The following SLC35F4 variants were observed in gnomAD, a reference collection of about 807,000 sequenced individuals.
SLC35F4 encodes chromosome 14 open reading frame 36.
SLC35F4 carries 24 observed loss-of-function variants against 44.2 expected under a neutral mutation model. The observed-to-expected ratio is 0.54, with a 90% CI of 0.39 to 0.76. The LOEUF (loss-of-function observed/expected upper bound fraction) is 0.76. SLC35F4 is among the 30% of genes least tolerant of loss of function. The pLI, the probability that SLC35F4 is intolerant of heterozygous loss-of-function variation, is 0.00. For missense variants in SLC35F4, 562 were observed against 586.1 expected (o/e 0.96, Z 0.42); for synonymous variants, 238 against 223.6 (o/e 1.06, Z -0.57).
intron 1 of SLC35F4, among the ~76,000 whole-genome samples, chr14:57,631,483 C>T (rs1254760479): frequency 1.2e-4 from 18 of 152,098 alleles, no homozygotes; most frequent in Admixed American, 3.3e-4. Context: ...TTTGTGTGTG[C>T]GTGCATAGTG....
chr14:57,747,361 A>G (rs927006206), intron 1 of SLC35F4, among the ~76,000 whole-genome samples: 3 of 152,202 alleles, frequency 2.0e-5, no homozygotes, highest in Non-Finnish European at 2.9e-5. Flanking sequence ...CCTTTGCAAT[A>G]AACATAACCA....
intron 1 of SLC35F4, among the ~76,000 whole-genome samples, chr14:57,779,536 CT>C (rs1253305878): frequency 6.6e-6 from 1 of 152,116 alleles, no homozygotes; most frequent in Non-Finnish European, 1.5e-5. Context: ...CCTACTGAAA[CT>C]GTTCCAAAAA....
At chr14:57,784,210 G>A (rs551809444) in intron 1 of SLC35F4, among the ~76,000 whole-genome samples, 1 of 152,278 alleles carries the variant, frequency 6.6e-6, no homozygotes, top group East Asian at 1.9e-4. Context: ...CCAAACCAGT[G>A]CTAGAGAATG....
At chr14:57,718,561 T>G (rs2076001692) in intron 1 of SLC35F4, among the ~76,000 whole-genome samples, 1 of 152,172 alleles carries the variant, frequency 6.6e-6, no homozygotes, top group Admixed American at 6.5e-5. Context: ...GATGATGTCT[T>G]GTACTTTTGA....
In SLC35F4 at chr14:57,696,710, T is replaced by C. The variant is rs547787534; in HGVS notation, c.104-102586A>G. Among the ~76,000 whole-genome samples, 7 of 152,344 alleles carry C rather than the reference T, an allele frequency of 4.6e-5. No homozygotes were observed. In the South Asian group the frequency reaches 1.0e-3, roughly 23 times the overall value. ...GACTGGATAAAGAAAATGTGGCATA[T>C]ATACACCATGGAATATTATGCAGCT... On this transcript the variant is annotated intron_variant, in intron 1 of 7. Transcript: ENST00000556826.
At chr14:57,869,048 A>G (rs1378011059), upstream of SLC35F4, among the ~76,000 whole-genome samples, 1 of 152,200 alleles carries the variant, frequency 6.6e-6, no homozygotes. Context: ...TGCGCTCTTC[A>G]GGAATTTTTT....
intron 1 of SLC35F4, among the ~76,000 whole-genome samples, chr14:57,617,127 A>ATTATTT (rs1566688809): frequency 1.6e-5 from 1 of 64,094 alleles, no homozygotes; most frequent in Non-Finnish European, 3.7e-5. Context: ...AACTGTACTT[A>ATTATTT]TTCTTTTTTT....
chr14:57,708,183 C>T (rs1356756524), intron 1 of SLC35F4, among the ~76,000 whole-genome samples: 6 of 152,144 alleles, frequency 3.9e-5, no homozygotes, highest in Non-Finnish European at 5.9e-5. Flanking sequence ...CAGCTGATGC[C>T]ACCCACACCA....
At position 57,566,162 on chromosome 14, in the gene SLC35F4, C is replaced by T. The variant is rs977742155; in HGVS notation, c.1216+313G>A. 3.9e-5 allele frequency among the ~76,000 whole-genome samples: 6 copies of T among 152,220 alleles called. No individual in the cohort carries two copies. In the South Asian group the frequency reaches 1.0e-3, roughly 26 times the overall value. On this transcript the variant is annotated intron_variant, in intron 7 of 7. Transcript: ENST00000556826. ...ACTTGAAAGTCCTATGCTGGGATGC[C>T]TTTTGTTTCCATAGGACTTCCTCTA...
At chr14:57,665,631 A>G (rs1226229866) in intron 1 of SLC35F4, among the ~76,000 whole-genome samples, 1 of 152,230 alleles carries the variant, frequency 6.6e-6, no homozygotes, top group Non-Finnish European at 1.5e-5. Flanking sequence ...ATTACTGGGT[A>G]TATACCCAAA....
At chr14:57,776,791 C>T (rs1383273737) in intron 1 of SLC35F4, among the ~76,000 whole-genome samples, 1 of 151,866 alleles carries the variant, frequency 6.6e-6, no homozygotes, top group Non-Finnish European at 1.5e-5. Context: ...AGAGTGAGGG[C>T]CTATATTCAA....
chr14:57,972,599 G>T (rs142051123), downstream of SLC35F4, among the ~76,000 whole-genome samples: 8 of 152,052 alleles, frequency 5.3e-5, no homozygotes, highest in African/African-American at 1.9e-4. Context: ...AGGCTCAAAG[G>T]GTTGGAGTTA....
chr14:57,975,322 G>A (rs191818941), downstream of SLC35F4, among the ~76,000 whole-genome samples: 1 of 152,322 alleles, frequency 6.6e-6, no homozygotes, highest in East Asian at 1.9e-4. Flanking sequence ...GCTGAAGGAA[G>A]TTTCTGCTTC....
intron 1 of SLC35F4, among the ~76,000 whole-genome samples, chr14:57,802,843 A>C (rs1044493514): frequency 1.3e-5 from 2 of 152,174 alleles, no homozygotes; most frequent in Non-Finnish European, 2.9e-5. Context: ...AAAAACACCC[A>C]GGACCAGATG....
intron 1 of SLC35F4, among the ~76,000 whole-genome samples, chr14:57,667,615 G>A (rs1229002903): frequency 4.0e-5 from 6 of 151,358 alleles, no homozygotes; most frequent in Non-Finnish European, 4.4e-5. Context: ...ATAGTTTGCT[G>A]AGAATGATGG....
intron 1 of SLC35F4, among the ~76,000 whole-genome samples, chr14:57,774,668 G>A (rs1052552194): frequency 6.6e-6 from 1 of 152,172 alleles, no homozygotes; most frequent in Non-Finnish European, 1.5e-5. Flanking sequence ...AGCCCCTGGG[G>A]GCCTGCATCA....
At chr14:57,668,512 G>A (rs1188861822) in intron 1 of SLC35F4, among the ~76,000 whole-genome samples, 1 of 152,044 alleles carries the variant, frequency 6.6e-6, no homozygotes, top group African/African-American at 2.4e-5. Context: ...TTTGTATAAG[G>A]TGTAAGGAAG....
intron 1 of SLC35F4, among the ~76,000 whole-genome samples, chr14:57,748,292 G>T (rs2076805644): frequency 6.6e-6 from 1 of 152,040 alleles, no homozygotes; most frequent in Admixed American, 6.6e-5. Flanking sequence ...CAATCCAGAT[G>T]GTGTGTATGT....
At chr14:57,573,303 G>A (rs1007759267) in intron 4 of SLC35F4, among the ~76,000 whole-genome samples, 12 of 152,162 alleles carry the variant, frequency 7.9e-5, no homozygotes, top group Non-Finnish European at 1.6e-4. Flanking sequence ...ATATTAAAGT[G>A]TCCTTAATGA....
Sources: allele counts gnomAD v4.1 joint callset (sites outside exome capture counted in the v4.1 genomes callset), GRCh38; gene constraint gnomAD v4.1.1; transcripts MANE v1.5; gene names NCBI Gene and HGNC (gene_info 2026-07-23, HGNC 2026-07-21).